Variants in KLHL3 observed in about 807,000 individuals in gnomAD.
The protein encoded by KLHL3 is kelch-like protein 3.
In KLHL3, 19 loss-of-function variants were observed where a neutral mutation model predicts 70.5. That is an observed-to-expected ratio of 0.27 (90% confidence interval 0.19 to 0.40). The LOEUF (loss-of-function observed/expected upper bound fraction) is 0.40. Ranked by LOEUF, KLHL3 falls within the 10% of genes least tolerant of loss-of-function variation. KLHL3 has a pLI of 1.00. For missense variants in KLHL3, 512 were observed against 771.1 expected (o/e 0.66, Z 3.98); for synonymous variants, 258 against 290.3 (o/e 0.89, Z 1.13).
chr5:137,623,224 C>T (rs1387384702), intron 14 of KLHL3, among the ~76,000 whole-genome samples: 1 of 152,214 alleles, frequency 6.6e-6, no homozygotes, highest in East Asian at 1.9e-4. Context: ...GAAATCCTAA[C>T]TTACAGGTGT....
At chr5:137,689,607 A>C (rs1359434285) in intron 5 of KLHL3, among the ~76,000 whole-genome samples, 1 of 152,242 alleles carries the variant, frequency 6.6e-6, no homozygotes, top group Admixed American at 6.5e-5. Flanking sequence ...TTCACTTGTA[A>C]GTGGGCTAAA....
At chr5:137,647,993 T>C (rs1172147010) in intron 8 of KLHL3, among the ~76,000 whole-genome samples, 1 of 152,218 alleles carries the variant, frequency 6.6e-6, no homozygotes, top group Non-Finnish European at 1.5e-5. Flanking sequence ...GAGGCTTAAA[T>C]GATATGAAGC....
At chr5:137,714,294 A>G (rs1190626626) in intron 2 of KLHL3, among the ~76,000 whole-genome samples, 1 of 152,148 alleles carries the variant, frequency 6.6e-6, no homozygotes, top group Non-Finnish European at 1.5e-5. Context: ...TCCAAAGATT[A>G]AAGTTGCCAT....
intron 6 of KLHL3, among the ~76,000 whole-genome samples, chr5:137,676,221 T>G (rs1311236360): frequency 6.6e-6 from 1 of 152,194 alleles, no homozygotes; most frequent in Non-Finnish European, 1.5e-5. Flanking sequence ...TTCTTCTTGA[T>G]CAAACTTTTC....
chr5:137,729,459 G>T (rs1052016296), intron 1 of KLHL3, among the ~76,000 whole-genome samples: 4 of 152,164 alleles, frequency 2.6e-5, no homozygotes, highest in Non-Finnish European at 5.9e-5. Context: ...TTTGAAGTCT[G>T]TAAATACTCC....
At chr5:137,669,124 C>T (rs2149902213) in intron 6 of KLHL3, among the ~76,000 whole-genome samples, 1 of 152,194 alleles carries the variant, frequency 6.6e-6, no homozygotes, top group Non-Finnish European at 1.5e-5. Flanking sequence ...AAGTCATTTG[C>T]CTGACATTAC....
intron 14 of KLHL3, among the ~76,000 whole-genome samples, chr5:137,623,991 A>C (rs1750388608): frequency 1.3e-5 from 2 of 152,228 alleles, no homozygotes; most frequent in Admixed American, 1.3e-4. Context: ...CACAAGGTTC[A>C]TACAACTTTG....
At chr5:137,663,035 C>T (rs2149898586) in intron 6 of KLHL3, among the ~76,000 whole-genome samples, 1 of 148,418 alleles carries the variant, frequency 6.7e-6, no homozygotes, top group South Asian at 2.2e-4. Context: ...AGTTATCCCT[C>T]AGTATCCTTG....
chr5:137,697,548 A>T (rs1752475417), intron 4 of KLHL3, among the ~76,000 whole-genome samples: 1 of 152,146 alleles, frequency 6.6e-6, no homozygotes. Flanking sequence ...GTCCCCAAAC[A>T]ATGAGGTTCA....
At chr5:137,633,864 A>G (rs945124359) in intron 12 of KLHL3, among the ~76,000 whole-genome samples, 173 bp downstream of exon 12, 3 of 152,216 alleles carry the variant, frequency 2.0e-5, no homozygotes, top group East Asian at 1.9e-4. Context: ...ATTGGGTTCA[A>G]TGGTCACTAT....
intron 2 of KLHL3, among the ~76,000 whole-genome samples, chr5:137,715,992 T>G (rs531975808): frequency 6.6e-6 from 1 of 152,182 alleles, no homozygotes; most frequent in Non-Finnish European, 1.5e-5. Flanking sequence ...AGATTTGAAG[T>G]CAGAGTCTAT....
chr5:137,636,412 T>G (rs542693649), intron 11 of KLHL3, among the ~76,000 whole-genome samples: 1 of 152,346 alleles, frequency 6.6e-6, no homozygotes, highest in Admixed American at 6.5e-5. Context: ...TACTACAAGT[T>G]GATGAATCAG....
chr5:137,634,257 C>T (rs965113983), intron 11 of KLHL3, 92 bp from the exon 12 acceptor site: 13 of 1,401,784 alleles, frequency 9.3e-6, no homozygotes, highest in Middle Eastern at 2.6e-4. Context: ...AACTGGGGCA[C>T]CCTTACCTCA....
chr5:137,633,065 G>C (rs1750677468), intron 12 of KLHL3, among the ~76,000 whole-genome samples: 1 of 152,054 alleles, frequency 6.6e-6, no homozygotes, highest in African/African-American at 2.4e-5. Flanking sequence ...TGGATCATGA[G>C]GTCAGGAGAT....
rs921398292 is a variant in KLHL3 at position 137,735,927 on chromosome 5, C to T, written c.-281G>A. On this transcript the variant is annotated 5_prime_UTR_variant, in exon 1 of 15. Coordinates refer to ENST00000309755, the MANE Select transcript of KLHL3 (RefSeq NM_017415.3). ...AGCAACCCACTTGCTCCCCCTCCCC[C>T]GCAGGCTTGCTGCTCCTTGGTCTCC... The T allele has an allele frequency of 2.2e-4, 110 of 509,958 alleles. 1 individual carries two copies. Among genetic ancestry groups the T allele is most frequent in the African/African-American group, 1.9e-3 (98 of 52,148 alleles). 31.6% of individuals were successfully genotyped at this position (509,958 alleles called of 1,614,324 possible).
chr5:137,661,282 A>G (rs2149897610), intron 7 of KLHL3: 1 of 152,342 alleles, frequency 6.6e-6, no homozygotes, highest in East Asian at 1.9e-4. Context: ...TGTGTAAAAA[A>G]AGGAGTTACA....
intron 12 of KLHL3, among the ~76,000 whole-genome samples, chr5:137,633,784 G>A (rs531639375): frequency 8.3e-4 from 127 of 152,320 alleles, no homozygotes; most frequent in African/African-American, 2.9e-3. Context: ...ACATAAAGAT[G>A]AGAACAATAG....
chr5:137,635,690 C>T (rs1183557125), intron 11 of KLHL3, among the ~76,000 whole-genome samples: 1 of 151,816 alleles, frequency 6.6e-6, no homozygotes, highest in African/African-American at 2.4e-5. Context: ...CTCACCACAG[C>T]TGTAAATTGA....
At chr5:137,721,486 C>T (rs1422559867) in intron 1 of KLHL3, among the ~76,000 whole-genome samples, 7 of 152,198 alleles carry the variant, frequency 4.6e-5, no homozygotes, top group Non-Finnish European at 1.0e-4. Flanking sequence ...ATTGGCTACA[C>T]TCCAGGAAGC....
Sources: gnomAD v4.1 joint callset for allele counts (sites outside exome capture counted in the v4.1 genomes callset) on GRCh38, gnomAD v4.1.1 for gene constraint, MANE v1.5 for transcripts, NCBI Gene and HGNC (gene_info 2026-07-23, HGNC 2026-07-21) for gene names.